PICALM: variants seen among roughly 807,000 people sequenced by gnomAD.
PICALM encodes the protein phosphatidylinositol-binding clathrin assembly protein.
PICALM carries 40 observed loss-of-function variants against 80.5 expected under a neutral mutation model. The ratio of observed to expected loss-of-function variants is 0.50; its 90% CI spans 0.39 to 0.65. PICALM has a LOEUF of 0.65. Among genes scored for constraint, PICALM ranks in the 30% least tolerant of loss-of-function variants. PICALM has a pLI of 0.00. For synonymous variants in PICALM, 288 were observed against 260.3 expected (o/e 1.11, Z -1.02); for missense variants, 676 against 778.9 (o/e 0.87, Z 1.57).
At chr11:86,056,109 TG>T (rs2096263966) in intron 1 of PICALM, among the ~76,000 whole-genome samples, 1 of 103,104 alleles carries the variant, frequency 9.7e-6, no homozygotes, top group African/African-American at 3.8e-5. Context: ...CACTCTAGCC[TG>T]GGTGACAGAA....
At chr11:86,043,683 C>G (rs2096015463) in intron 1 of PICALM, among the ~76,000 whole-genome samples, 1 of 152,132 alleles carries the variant, frequency 6.6e-6, no homozygotes, top group African/African-American at 2.4e-5. Flanking sequence ...GTAAGTGAAA[C>G]AAAGGCTCAT....
chr11:85,964,072 C>T (rs540194138), intron 19 of PICALM, among the ~76,000 whole-genome samples: 1 of 152,172 alleles, frequency 6.6e-6, no homozygotes, highest in Admixed American at 6.5e-5. Flanking sequence ...AAAATGGTTA[C>T]TCCTTCATTA....
chr11:85,965,024 A>T (rs561266289), intron 19 of PICALM, among the ~76,000 whole-genome samples: 3 of 152,220 alleles, frequency 2.0e-5, no homozygotes, highest in Non-Finnish European at 4.4e-5. Context: ...ATACACATAC[A>T]GTCATGGTAC....
At chr11:86,048,524 T>C (rs1229696959) in intron 1 of PICALM, among the ~76,000 whole-genome samples, 1 of 152,078 alleles carries the variant, frequency 6.6e-6, no homozygotes, top group East Asian at 1.9e-4. Flanking sequence ...GAAAAATTAC[T>C]AAAGCTAATG....
chr11:86,026,719 AG>A (rs1367461315), intron 2 of PICALM, among the ~76,000 whole-genome samples: 2 of 152,302 alleles, frequency 1.3e-5, no homozygotes, highest in East Asian at 3.9e-4. Context: ...GGTAAACCAA[AG>A]TTTTGGCTTT....
intron 4 of PICALM, among the ~76,000 whole-genome samples, chr11:86,021,646 CA>C (rs946685257): frequency 1.3e-5 from 2 of 152,080 alleles, no homozygotes; most frequent in East Asian, 1.9e-4. Flanking sequence ...AAATGACAAA[CA>C]TAAGAGTTAC....
chr11:85,974,436 C>A, intron 19 of PICALM: 1 of 570,564 alleles, frequency 1.8e-6, no homozygotes, highest in South Asian at 1.4e-5. Context: ...AGCAAGTAGG[C>A]TCCTTAATCT....
At chr11:86,006,371 G>C (rs184774964) in intron 8 of PICALM, among the ~76,000 whole-genome samples, 2 of 152,272 alleles carry the variant, frequency 1.3e-5, no homozygotes, top group African/African-American at 4.8e-5. Context: ...CTGGAAGCTG[G>C]GTGTGGTGGT....
intron 19 of PICALM, among the ~76,000 whole-genome samples, chr11:85,971,910 G>A (rs975310845): frequency 6.6e-6 from 1 of 151,994 alleles, no homozygotes; most frequent in African/African-American, 2.4e-5. Flanking sequence ...AGCCTCCCAA[G>A]TAGCTGGGAT....
chr11:85,987,579 T>C (rs2094612865), intron 13 of PICALM, among the ~76,000 whole-genome samples: 1 of 152,260 alleles, frequency 6.6e-6, no homozygotes, highest in African/African-American at 2.4e-5. Context: ...GACTACATAA[T>C]AATTTAGGTG....
At chr11:85,990,502 T>C (rs1340218715) in intron 12 of PICALM, 103 bp from the exon 13 acceptor site, 1 of 550,282 alleles carries the variant, frequency 1.8e-6, no homozygotes, top group Admixed American at 3.9e-5. Context: ...AACTATATTA[T>C]TGTTTATTAA....
intron 17 of PICALM, among the ~76,000 whole-genome samples, chr11:85,979,669 T>A (rs149565821): frequency 1.6e-3 from 243 of 152,294 alleles, no homozygotes; most frequent in African/African-American, 5.5e-3. Flanking sequence ...AAACATACTA[T>A]TTTTAGCTCA....
intron 19 of PICALM, among the ~76,000 whole-genome samples, chr11:85,961,249 T>TA (rs2093678831): frequency 6.6e-6 from 1 of 152,180 alleles, no homozygotes; most frequent in Non-Finnish European, 1.5e-5. Context: ...TCTTTCTTCA[T>TA]AAGGGTCGAA....
Position 86,014,866 on chromosome 11 carries a change from T to G in PICALM, c.546+4A>C. ...AAATCTTAAATTACAAAAGCATAAC[T>G]CACATTAAAATCAAGAAGTGCATCC... On this transcript the variant is annotated splice_donor_region_variant and intron_variant, in intron 5 of 19. Transcript: ENST00000393346. 1 of 1,466,678 alleles carries G rather than the reference T, an allele frequency of 6.8e-7. No homozygotes were observed. The highest frequency in any genetic ancestry group is 1.2e-5 in the South Asian group (1 of 82,500). 90.9% of individuals were successfully genotyped at this position (1,466,678 alleles called of 1,614,324 possible).
chr11:86,030,518 C>T (rs184130309), intron 2 of PICALM, among the ~76,000 whole-genome samples: 6 of 152,294 alleles, frequency 3.9e-5, no homozygotes, highest in Non-Finnish European at 8.8e-5. Context: ...TCTAGTTCTA[C>T]TCAGATGTTC....
intron 17 of PICALM, among the ~76,000 whole-genome samples, chr11:85,980,137 T>G (rs1264846537): frequency 6.6e-6 from 1 of 152,208 alleles, no homozygotes; most frequent in Non-Finnish European, 1.5e-5. Context: ...TCATGCTCAT[T>G]TGCAGAGGGG....
Position 85,976,723 on chromosome 11 carries a change from CAT to C in PICALM, c.1780-43_1780-42del, listed in dbSNP as rs535264814. The C allele has an allele frequency of 2.1e-3, 2,555 of 1,196,414 alleles. 3 individuals carry two copies. The highest frequency in any genetic ancestry group is 2.7e-3 in the Non-Finnish European group (2,195 of 801,398). The allele number at this position is 1,196,414 out of a possible 1,614,324, so 74.1% of individuals were successfully genotyped here. A position where few individuals can be genotyped will look rare whatever the true frequency, so the allele number is the denominator to read the frequency against. Reference sequence around the variant, plus strand: ...GAAAAATGAACAAGAAAGTATAACTCATGTGTGTCAACTGAGTTCAAGGAATT... The same window carrying C: ...GAAAAATGAACAAGAAAGTATAACTCGTGTGTCAACTGAGTTCAAGGAATT... On this transcript the variant is annotated intron_variant, in intron 17 of 19. Coordinates refer to ENST00000393346, the MANE Select transcript of PICALM (RefSeq NM_007166.4).
rs142698142 is a variant in PICALM, at chr11:86,041,799, T to C, written c.131-10188A>G. 3.1e-3 allele frequency among the ~76,000 whole-genome samples: 473 copies of C among 152,344 alleles called. 4 individuals carry two copies. Among genetic ancestry groups the C allele is most frequent in the South Asian group, 0.011 (51 of 4,828 alleles). On this transcript the variant is annotated intron_variant, in intron 1 of 19. Coordinates refer to ENST00000393346, the MANE Select transcript of PICALM (RefSeq NM_007166.4). ...ATCTACTGTCTCTTAAAATTATCTT[T>C]CATTTGTCTCTTTACCCACTAATGT...
At position 85,959,064 on chromosome 11, in the gene PICALM, G is replaced by GAA; in HGVS notation, c.1945-6_1945-5dup. ...CATCAAGTTACATAAACTGTATCTG[G>GAA]AAAAAAAAAGTGGGTATGTTAATTC... On this transcript the variant is annotated splice_region_variant and splice_polypyrimidine_tract_variant and intron_variant, in intron 19 of 19. Coordinates refer to ENST00000393346, the MANE Select transcript of PICALM (RefSeq NM_007166.4). 10 of 1,545,110 alleles carry GAA rather than the reference G, an allele frequency of 6.5e-6. No homozygotes were observed. Among genetic ancestry groups the GAA allele is most frequent in the African/African-American group, 1.4e-5 (1 of 72,490 alleles).
Sources: gnomAD v4.1 joint callset for allele counts (sites outside exome capture counted in the v4.1 genomes callset) on GRCh38, gnomAD v4.1.1 for gene constraint, MANE v1.5 for transcripts, NCBI Gene and HGNC (gene_info 2026-07-23, HGNC 2026-07-21) for gene names.